The following WDFY2 variants were observed in gnomAD, a reference collection of about 807,000 sequenced individuals.
The protein encoded by WDFY2 is WD repeat and FYVE domain containing 2.
In WDFY2, 36 loss-of-function variants were observed where a neutral mutation model predicts 56.4. That is an observed-to-expected ratio of 0.64 (90% confidence interval 0.49 to 0.84). WDFY2 has a LOEUF of 0.84. WDFY2 is among the 40% of genes least tolerant of loss of function. WDFY2 has a pLI of 0.00. For missense variants in WDFY2, 444 were observed against 512.2 expected (o/e 0.87, Z 1.29); for synonymous variants, 176 against 183.7 (o/e 0.96, Z 0.34).
chr13:51,633,929 T>A (rs971810903), intron 1 of WDFY2, among the ~76,000 whole-genome samples: 2 of 152,250 alleles, frequency 1.3e-5, no homozygotes, highest in Non-Finnish European at 2.9e-5. Flanking sequence ...TCTGGTGCAG[T>A]GCCACACTAT....
intron 3 of WDFY2, among the ~76,000 whole-genome samples, chr13:51,677,835 T>C (rs1955912937): frequency 6.6e-6 from 1 of 152,046 alleles, no homozygotes; most frequent in South Asian, 2.1e-4. Context: ...AAAAGTTAGC[T>C]GTGGGAAAGA....
intron 3 of WDFY2, among the ~76,000 whole-genome samples, chr13:51,695,457 T>C (rs1447083862): frequency 1.3e-5 from 2 of 152,218 alleles, no homozygotes; most frequent in African/African-American, 2.4e-5. Context: ...CTCCAGACCC[T>C]GTTTGCCTGG....
At chr13:51,695,976 G>A (rs1026722167) in intron 3 of WDFY2, among the ~76,000 whole-genome samples, 6 of 152,218 alleles carry the variant, frequency 3.9e-5, no homozygotes, top group South Asian at 4.1e-4. Context: ...AGGACCCTCC[G>A]AGCCAGGTGC....
chr13:51,756,780 G>A, intron 10 of WDFY2: 1 of 425,446 alleles, frequency 2.4e-6, no homozygotes, highest in Non-Finnish European at 3.1e-6. Flanking sequence ...GAGTATAAGG[G>A]CTCAGGATTC....
chr13:51,696,756 GGACAT>G (rs1204575626), intron 3 of WDFY2, among the ~76,000 whole-genome samples: 1 of 152,124 alleles, frequency 6.6e-6, no homozygotes, highest in Non-Finnish European at 1.5e-5. Flanking sequence ...TCAGTTTACT[GGACAT>G]TTATAAACAA....
chr13:51,744,969 CTG>C (rs1256283133), intron 7 of WDFY2, among the ~76,000 whole-genome samples: 1 of 152,300 alleles, frequency 6.6e-6, no homozygotes, highest in Admixed American at 6.5e-5. Flanking sequence ...GCATTCATCA[CTG>C]TGTTTCACTC....
intron 3 of WDFY2, among the ~76,000 whole-genome samples, chr13:51,694,662 G>A (rs1475133662): frequency 5.3e-5 from 8 of 152,112 alleles, no homozygotes; most frequent in East Asian, 1.9e-4. Flanking sequence ...TATGTGTCTT[G>A]GAGTTGCTCT....
intron 4 of WDFY2, among the ~76,000 whole-genome samples, chr13:51,709,972 G>C (rs1952172971): frequency 6.6e-6 from 1 of 151,972 alleles, no homozygotes; most frequent in Non-Finnish European, 1.5e-5. Context: ...GCCTGGCAGA[G>C]ACACAACAAA....
Position 51,633,511 on chromosome 13 carries a change from T to G in WDFY2, c.138-27085T>G, listed in dbSNP as rs1304327020. 2.0e-5 allele frequency among the ~76,000 whole-genome samples: 3 copies of G among 152,188 alleles called. No individual in the cohort carries two copies. In the East Asian group the frequency reaches 5.8e-4, roughly 29 times the overall value. On this transcript the variant is annotated intron_variant, in intron 1 of 11. Transcript: ENST00000298125. ...TAATTGATGAATGGCAGCAGTTTTG[T>G]TGTGGGTGTTCTGGGAACTGGCTGC...
At position 51,667,879 on chromosome 13, in the gene WDFY2, C is replaced by CTTTTTTT. The variant is rs66771214; in HGVS notation, c.205+7240_205+7246dup. On this transcript the variant is annotated intron_variant, in intron 2 of 11. Coordinates refer to ENST00000298125, the MANE Select transcript of WDFY2 (RefSeq NM_052950.4). ...GAAGAAAAAGGTACCTGAGGAACTT[C>CTTTTTTT]TTTTTTTTTTTTTTTTTTTTTTTTT... Among the ~76,000 whole-genome samples, 198 of 50,064 alleles carry CTTTTTTT rather than the reference C, an allele frequency of 4.0e-3. 34 individuals are homozygous for CTTTTTTT. Among genetic ancestry groups the CTTTTTTT allele is most frequent in the African/African-American group, 9.0e-3 (90 of 10,032 alleles). The allele number at this position is 50,064 out of a possible 152,430, so 32.8% of individuals were successfully genotyped here. A position where few individuals can be genotyped will look rare whatever the true frequency, so the allele number is the denominator to read the frequency against.
intron 5 of WDFY2, among the ~76,000 whole-genome samples, chr13:51,725,761 A>G (rs929776104): frequency 2.0e-5 from 3 of 150,892 alleles, no homozygotes; most frequent in East Asian, 3.9e-4. Context: ...CGGCTTGAAC[A>G]TGGCTCACTG....
At chr13:51,607,793 T>A (rs144571261) in intron 1 of WDFY2, among the ~76,000 whole-genome samples, 32 of 152,280 alleles carry the variant, frequency 2.1e-4, no homozygotes, top group Non-Finnish European at 4.1e-4. Context: ...CCCCAACATG[T>A]CTATGTCCTA....
At chr13:51,733,959 T>C (rs1372199165) in intron 6 of WDFY2, among the ~76,000 whole-genome samples, 7 of 152,144 alleles carry the variant, frequency 4.6e-5, no homozygotes, top group South Asian at 2.1e-4. Context: ...ACTCTAGAGA[T>C]GGAGGGCCTT....
At chr13:51,599,923 A>G (rs1359518181) in intron 1 of WDFY2, among the ~76,000 whole-genome samples, 2 of 151,826 alleles carry the variant, frequency 1.3e-5, no homozygotes, top group Non-Finnish European at 2.9e-5. Context: ...CAAAAAAACC[A>G]AAAAACCAAA....
intron 3 of WDFY2, among the ~76,000 whole-genome samples, chr13:51,686,733 A>C (rs1181393346): frequency 1.3e-5 from 2 of 152,266 alleles, no homozygotes; most frequent in East Asian, 3.9e-4. Context: ...GCAACACATT[A>C]CTGTGTTTTC....
At position 51,727,849 on chromosome 13, in the gene WDFY2, A is replaced by G. The variant is rs1952638851; in HGVS notation, c.598+59A>G. The G allele has an allele frequency of 1.3e-6, 2 of 1,496,150 alleles. 1 individual carries two copies. Among genetic ancestry groups the G allele is most frequent in the Admixed American group, 3.5e-5 (2 of 57,050 alleles). 92.7% of individuals were successfully genotyped at this position (1,496,150 alleles called of 1,614,324 possible). A position where few individuals can be genotyped will look rare whatever the true frequency, so the allele number is the denominator to read the frequency against. On this transcript the variant is annotated intron_variant, in intron 6 of 11. Coordinates refer to ENST00000298125, the MANE Select transcript of WDFY2 (RefSeq NM_052950.4). ...AGCACAGTGAGATATCGCCTGCTGC[A>G]TCTCCTGATGTTCAGATATGTTTTG...
intron 3 of WDFY2, among the ~76,000 whole-genome samples, chr13:51,701,288 C>T (rs953717424): frequency 1.3e-5 from 2 of 151,824 alleles, no homozygotes; most frequent in Non-Finnish European, 2.9e-5. Context: ...TTTGGGAACC[C>T]GAGGCAGGCG....
At chr13:51,724,985 A>AT (rs1404981600) in intron 5 of WDFY2, among the ~76,000 whole-genome samples, 1 of 152,132 alleles carries the variant, frequency 6.6e-6, no homozygotes, top group Non-Finnish European at 1.5e-5. Context: ...GGAATCAGCC[A>AT]TTTTTTTAGT....
rs188351714 is a variant in WDFY2 at position 51,734,586 on chromosome 13, A to G, written c.599-4463A>G. ...GTGTAACCTGAACTTTACCGTTTCA[A>G]CCTTCTAAGTGTACAAGTAATGCAC... On this transcript the variant is annotated intron_variant, in intron 6 of 11. Transcript: ENST00000298125. Among the ~76,000 whole-genome samples, 562 of 152,322 alleles carry G rather than the reference A, an allele frequency of 3.7e-3. 6 individuals carry two copies. The highest frequency in any genetic ancestry group is 0.012 in the African/African-American group (518 of 41,576).
Sources: allele counts gnomAD v4.1 joint callset (sites outside exome capture counted in the v4.1 genomes callset), GRCh38; gene constraint gnomAD v4.1.1; transcripts MANE v1.5; gene names NCBI Gene and HGNC (gene_info 2026-07-23, HGNC 2026-07-21).